Variants in PIGL observed in about 807,000 individuals in gnomAD.
PIGL encodes phosphatidylinositol glycan anchor biosynthesis class L.
In PIGL, 22 loss-of-function variants were observed where a neutral mutation model predicts 31.1. The observed-to-expected ratio is 0.71, with a 90% CI of 0.51 to 1.01. PIGL has a LOEUF of 1.01. PIGL is among the 50% of genes least tolerant of loss of function. PIGL has a pLI of 0.00. For synonymous variants in PIGL, 131 were observed against 117.4 expected (o/e 1.12, Z -0.75); for missense variants, 302 against 315.9 (o/e 0.96, Z 0.33).
At chr17:16,301,484 C>G (rs2093004388) in intron 3 of PIGL, among the ~76,000 whole-genome samples, 1 of 151,818 alleles carries the variant, frequency 6.6e-6, no homozygotes, top group African/African-American at 2.4e-5. Context: ...AGGCTGGTCT[C>G]AAACTCCTGA....
intron 2 of PIGL, among the ~76,000 whole-genome samples, chr17:16,290,979 C>T (rs1029199317): frequency 6.6e-6 from 1 of 152,168 alleles, no homozygotes; most frequent in Non-Finnish European, 1.5e-5. Context: ...CACACGTGGC[C>T]CCCAGATATT....
chr17:16,307,169 T>C (rs976024890), intron 3 of PIGL, among the ~76,000 whole-genome samples: 6 of 152,236 alleles, frequency 3.9e-5, no homozygotes, highest in African/African-American at 1.4e-4. Context: ...TGGTGCTGAC[T>C]CTTCATGAGG....
At chr17:16,244,043 G>A (rs762737079) in intron 2 of PIGL, among the ~76,000 whole-genome samples, 4 of 152,172 alleles carry the variant, frequency 2.6e-5, no homozygotes, top group Non-Finnish European at 5.9e-5. Context: ...CTGGGTGGGG[G>A]ACTACAAGAT....
At chr17:16,254,679 A>G (rs1008404980) in intron 2 of PIGL, among the ~76,000 whole-genome samples, 43 of 151,490 alleles carry the variant, frequency 2.8e-4, no homozygotes, top group African/African-American at 1.0e-3. Context: ...ATCTCGACTC[A>G]CTGCAAGCTT....
chr17:16,241,006 T>G (rs537496593), intron 2 of PIGL, among the ~76,000 whole-genome samples: 4 of 145,240 alleles, frequency 2.8e-5, no homozygotes, highest in Non-Finnish European at 6.0e-5. Flanking sequence ...CCCAGCTACT[T>G]GGGAGGCTGA....
At chr17:16,239,972 G>T (rs2092715954) in intron 2 of PIGL, among the ~76,000 whole-genome samples, 1 of 152,102 alleles carries the variant, frequency 6.6e-6, no homozygotes, top group Non-Finnish European at 1.5e-5. Context: ...TCAGTGATAT[G>T]ATTTCGATCT....
rs528697744 is a variant in PIGL, at chr17:16,217,250, T to G, written c.24T>G (p.Cys8Trp). 12 of 1,614,144 alleles carry G rather than the reference T, an allele frequency of 7.4e-6. No homozygotes were observed. The highest frequency in any genetic ancestry group is 1.6e-4 in the Middle Eastern group (1 of 6,062). MEAMWLL[C>W]VALAVLAWGF... Reference sequence around the variant, plus strand: ...TCATGGAAGCAATGTGGCTCCTGTGTGTGGCGTTGGCGGTCTTGGCATGGG... The same window carrying G: ...TCATGGAAGCAATGTGGCTCCTGTGGGTGGCGTTGGCGGTCTTGGCATGGG... Residue 8 changes from cysteine (C) to tryptophan (W), a missense_variant, in exon 1 of 7, where the codon TGT (cysteine) becomes TGG (tryptophan). By Grantham distance (215) the Cys-to-Trp change is radical. Coordinates refer to ENST00000225609, the MANE Select transcript of PIGL (RefSeq NM_004278.4).
intron 2 of PIGL, among the ~76,000 whole-genome samples, chr17:16,256,861 T>C (rs938687918): frequency 6.6e-6 from 1 of 151,928 alleles, no homozygotes; most frequent in African/African-American, 2.4e-5. Flanking sequence ...GTAATTTTTG[T>C]GTTTTTAGTA....
At chr17:16,317,345 A>G (rs1468302172) in intron 5 of PIGL, 2 of 948,768 alleles carry the variant, frequency 2.1e-6, no homozygotes, top group African/African-American at 3.5e-5. Flanking sequence ...GGCAGGTCTC[A>G]CACTATCAAC....
chr17:16,234,219 C>A, intron 2 of PIGL, 149 bp downstream of exon 2: 1 of 526,704 alleles, frequency 1.9e-6, no homozygotes, highest in Non-Finnish European at 3.4e-6. Context: ...CTTGTAATCC[C>A]AGTACTTTGG....
chr17:16,285,862 T>C (rs2092935303), intron 2 of PIGL, among the ~76,000 whole-genome samples: 1 of 152,208 alleles, frequency 6.6e-6, no homozygotes, highest in African/African-American at 2.4e-5. Context: ...CCAGAAGTTG[T>C]TGGACCCTGC....
intron 2 of PIGL, among the ~76,000 whole-genome samples, chr17:16,279,326 T>A (rs1415174739): frequency 1.3e-5 from 2 of 152,258 alleles, no homozygotes; most frequent in Non-Finnish European, 2.9e-5. Flanking sequence ...TTTAAATTCA[T>A]TTCTACAACC....
intron 2 of PIGL, among the ~76,000 whole-genome samples, chr17:16,238,649 A>T (rs2142694670): frequency 6.6e-6 from 1 of 150,402 alleles, no homozygotes; most frequent in East Asian, 2.0e-4. Context: ...CGTGACTCAC[A>T]CCTGTAATCC....
chr17:16,271,679 A>C (rs568342015), intron 2 of PIGL, among the ~76,000 whole-genome samples: 47 of 151,836 alleles, frequency 3.1e-4, no homozygotes, highest in Non-Finnish European at 5.4e-4. Context: ...CTACAGGCGC[A>C]CACCACCACA....
intron 2 of PIGL, among the ~76,000 whole-genome samples, chr17:16,282,523 TAGTC>T (rs1600819180): frequency 1.3e-5 from 2 of 152,170 alleles, no homozygotes; most frequent in East Asian, 1.9e-4. Flanking sequence ...CTCCCAAACA[TAGTC>T]AGTGTTGATT....
intron 3 of PIGL, among the ~76,000 whole-genome samples, chr17:16,304,238 C>T (rs1342477273): frequency 5.3e-5 from 8 of 152,204 alleles, no homozygotes; most frequent in African/African-American, 1.9e-4. Flanking sequence ...GAAGCAGCAA[C>T]ACAGAAGCAC....
chr17:16,277,860 C>A (rs1446898180), intron 2 of PIGL, among the ~76,000 whole-genome samples: 1 of 152,120 alleles, frequency 6.6e-6, no homozygotes, highest in Non-Finnish European at 1.5e-5. Flanking sequence ...TAATGATTAA[C>A]AACATACACT....
At chr17:16,230,821 C>T (rs1477736289) in intron 1 of PIGL, among the ~76,000 whole-genome samples, 1 of 150,970 alleles carries the variant, frequency 6.6e-6, no homozygotes, top group African/African-American at 2.4e-5. Flanking sequence ...AATAAAGTCA[C>T]GTTGTAAAGA....
chr17:16,255,184 G>A (rs1444410682), intron 2 of PIGL, among the ~76,000 whole-genome samples: 4 of 152,136 alleles, frequency 2.6e-5, no homozygotes, highest in Non-Finnish European at 5.9e-5. Flanking sequence ...AGTTACCCTT[G>A]ACTTACATAG....
Sources: gnomAD v4.1 joint callset for allele counts (sites outside exome capture counted in the v4.1 genomes callset) on GRCh38, gnomAD v4.1.1 for gene constraint, MANE v1.5 for transcripts, NCBI Gene and HGNC (gene_info 2026-07-23, HGNC 2026-07-21) for gene names.